The following PHACTR1 variants were observed in gnomAD, a reference collection of about 807,000 sequenced individuals.
PHACTR1 encodes phosphatase and actin regulator 1.
PHACTR1 carries 16 observed loss-of-function variants against 69.2 expected under a neutral mutation model. The ratio of observed to expected loss-of-function variants is 0.23; its 90% CI spans 0.16 to 0.35. The LOEUF is 0.35. Ranked by LOEUF, PHACTR1 falls within the 10% of genes least tolerant of loss-of-function variation. The probability of loss-of-function intolerance (pLI) is 1.00; values close to 1 mark genes in which losing one functional copy is unlikely to be tolerated. For synonymous variants in PHACTR1, 312 were observed against 284.5 expected (o/e 1.10, Z -0.97); for missense variants, 510 against 734.7 (o/e 0.69, Z 3.54).
intron 10 of PHACTR1, among the ~76,000 whole-genome samples, chr6:13,233,187 C>A (rs770867503): frequency 1.3e-5 from 2 of 152,206 alleles, no homozygotes; most frequent in Non-Finnish European, 2.9e-5. Context: ...GAATACATAT[C>A]CACAAGCCAC....
chr6:13,059,661 A>G (rs1490539986), intron 5 of PHACTR1, among the ~76,000 whole-genome samples: 7 of 152,206 alleles, frequency 4.6e-5, no homozygotes, highest in Non-Finnish European at 7.3e-5. Flanking sequence ...GACAATTTTT[A>G]AAATAAAAAA....
intron 4 of PHACTR1, among the ~76,000 whole-genome samples, chr6:12,838,435 G>A (rs182615295): frequency 3.7e-4 from 56 of 152,176 alleles, no homozygotes; most frequent in African/African-American, 1.2e-3. Context: ...TATAACCCCT[G>A]CTATCCAGCA....
intron 4 of PHACTR1, among the ~76,000 whole-genome samples, chr6:12,872,355 G>A (rs1414466412): frequency 6.6e-6 from 1 of 152,124 alleles, no homozygotes; most frequent in East Asian, 1.9e-4. Context: ...ATGCATGGAA[G>A]TTTATTATAC....
chr6:13,262,584 T>TG (rs1736489508), intron 10 of PHACTR1, among the ~76,000 whole-genome samples: 1 of 152,158 alleles, frequency 6.6e-6, no homozygotes. Context: ...GAACTGGGGA[T>TG]GTAGTAATAA....
intron 5 of PHACTR1, among the ~76,000 whole-genome samples, chr6:13,118,277 G>A (rs1239930598): frequency 6.6e-6 from 1 of 152,122 alleles, no homozygotes; most frequent in East Asian, 1.9e-4. Context: ...TGTGAAGACG[G>A]CAGTTGTTCC....
chr6:12,927,876 CTAAGAGGAATT>C (rs1788436406), intron 4 of PHACTR1, among the ~76,000 whole-genome samples: 1 of 152,196 alleles, frequency 6.6e-6, no homozygotes, highest in Admixed American at 6.5e-5. Context: ...TCATGAGAGT[CTAAGAGGAATT>C]ATCCTCCCGG....
intron 5 of PHACTR1, among the ~76,000 whole-genome samples, chr6:13,112,386 A>G (rs1817182888): frequency 6.6e-6 from 1 of 152,198 alleles, no homozygotes; most frequent in Admixed American, 6.5e-5. Flanking sequence ...TCCTTTGGGT[A>G]TACACCCACT....
intron 3 of PHACTR1, among the ~76,000 whole-genome samples, chr6:12,721,510 G>T (rs1366303220): frequency 6.6e-6 from 1 of 152,148 alleles, no homozygotes; most frequent in Non-Finnish European, 1.5e-5. Context: ...ATTTAAAAAT[G>T]CAGTGATTCA....
chr6:13,165,279 AAAT>A (rs1184719622), intron 6 of PHACTR1, among the ~76,000 whole-genome samples: 2 of 152,256 alleles, frequency 1.3e-5, no homozygotes, highest in Non-Finnish European at 2.9e-5. Context: ...TAATGGTGTA[AAAT>A]AATCTATAGT....
At position 13,230,191 on chromosome 6, in the gene PHACTR1, C is replaced by T. The variant is rs761880059; in HGVS notation, c.1389C>T (p.Thr463=). Reference sequence around the variant, plus strand: ...GGCAACAGATTGGCACCAAGCTCACCAGGTAGGACAGCGGCACCCTCTGCC... The same window carrying T: ...GGCAACAGATTGGCACCAAGCTCACTAGGTAGGACAGCGGCACCCTCTGCC... The part of the protein sequence containing the change: ...ELRQQIGTKL[T]RRLSQRPTAE... Residue 463 remains threonine, a splice_region_variant and synonymous_variant, in exon 10 of 15, where the codon ACC becomes ACT. Transcript: ENST00000332995. The T allele has an allele frequency of 2.5e-6, 4 of 1,607,312 alleles. No homozygotes were observed. The highest frequency in any genetic ancestry group is 1.7e-4 in the Middle Eastern group (1 of 6,052).
chr6:13,136,033 A>G (rs1350483608), intron 5 of PHACTR1, among the ~76,000 whole-genome samples: 6 of 152,336 alleles, frequency 3.9e-5, no homozygotes, highest in African/African-American at 1.4e-4. Context: ...ACATGTATTT[A>G]TATAAAAGTG....
intron 4 of PHACTR1, among the ~76,000 whole-genome samples, chr6:12,799,948 T>C (rs1773507825): frequency 6.6e-6 from 1 of 152,206 alleles, no homozygotes; most frequent in Non-Finnish European, 1.5e-5. Context: ...TACAAAAAGT[T>C]TTGACAGACA....
chr6:12,907,341 A>AAGAAGGAG (rs1333040871), intron 4 of PHACTR1, among the ~76,000 whole-genome samples: 4 of 152,248 alleles, frequency 2.6e-5, no homozygotes, highest in Admixed American at 2.6e-4. Flanking sequence ...CAGATAAGGG[A>AAGAAGGAG]AGAAGGAGAG....
intron 4 of PHACTR1, among the ~76,000 whole-genome samples, chr6:12,840,675 T>A (rs1778598850): frequency 6.6e-6 from 1 of 152,102 alleles, no homozygotes; most frequent in South Asian, 2.1e-4. Context: ...TAGACATAGG[T>A]TTCCTATACC....
chr6:13,012,820 T>C (rs892111768), intron 4 of PHACTR1, among the ~76,000 whole-genome samples: 1 of 152,214 alleles, frequency 6.6e-6, no homozygotes, highest in African/African-American at 2.4e-5. Context: ...AGAAATAGCA[T>C]GATTTTAATA....
At chr6:13,025,249 C>T (rs907526015) in intron 4 of PHACTR1, among the ~76,000 whole-genome samples, 5 of 151,888 alleles carry the variant, frequency 3.3e-5, no homozygotes, top group East Asian at 1.9e-4. Context: ...AGCAACACTC[C>T]GTCTCAAAAA....
intron 4 of PHACTR1, among the ~76,000 whole-genome samples, chr6:12,856,566 C>T (rs1175033864): frequency 7.9e-5 from 12 of 152,134 alleles, no homozygotes; most frequent in Admixed American, 7.9e-4. Context: ...CAAATTCATC[C>T]TTTCTTAAAT....
At chr6:13,004,051 T>C (rs1400454613) in intron 4 of PHACTR1, among the ~76,000 whole-genome samples, 1 of 148,744 alleles carries the variant, frequency 6.7e-6, no homozygotes, top group East Asian at 1.9e-4. Context: ...TCCATATCTT[T>C]GCTATTGTGA....
chr6:12,957,279 C>A, intron 4 of PHACTR1: 1 of 786,714 alleles, frequency 1.3e-6, no homozygotes, highest in Non-Finnish European at 1.5e-6. Context: ...AAAAAAAGCC[C>A]AGGCTGTGAG....
Sources: gnomAD v4.1 joint callset for allele counts (sites outside exome capture counted in the v4.1 genomes callset) on GRCh38, gnomAD v4.1.1 for gene constraint, MANE v1.5 for transcripts, NCBI Gene and HGNC (gene_info 2026-07-23, HGNC 2026-07-21) for gene names.